Variants in LHX8 observed in about 807,000 individuals in gnomAD.
The protein encoded by LHX8 is LIM homeobox 8.
Under a neutral mutation model 40.3 loss-of-function variants are expected in LHX8, and 12 were observed. The ratio of observed to expected loss-of-function variants is 0.30; its 90% confidence interval spans 0.19 to 0.48. LHX8 has a LOEUF of 0.48. LHX8 is among the 20% of genes least tolerant of loss of function. The pLI, the probability that LHX8 is intolerant of heterozygous loss-of-function variation, is 0.99. For missense variants in LHX8, 344 were observed against 433.7 expected (o/e 0.79, Z 1.84); for synonymous variants, 179 against 162.0 (o/e 1.10, Z -0.80).
chr1:75,158,463 A>G (rs1010738512), intron 8 of LHX8, among the ~76,000 whole-genome samples: 1 of 152,172 alleles, frequency 6.6e-6, no homozygotes, highest in East Asian at 1.9e-4. Context: ...GAAATTGTTT[A>G]TACTCAAAGA....
At chr1:75,160,694 G>T in intron 8 of LHX8, 125 bp from the exon 9 acceptor site, 1 of 740,708 alleles carries the variant, frequency 1.4e-6, no homozygotes, top group East Asian at 2.5e-5. Context: ...AGTGGAATGA[G>T]TGTAGCTTGG....
At chr1:75,130,753 T>C (rs1021535683), upstream of LHX8, 1 of 1,612,734 alleles carries the variant, frequency 6.2e-7, no homozygotes, top group Non-Finnish European at 8.5e-7. Flanking sequence ...GGAAAGAACC[T>C]CTAGAAGCAA....
intron 2 of LHX8, 100 bp downstream of exon 2, chr1:75,136,789 C>G: frequency 1.1e-6 from 1 of 947,044 alleles, no homozygotes; most frequent in Non-Finnish European, 1.6e-6. Context: ...GCCCAGCTGG[C>G]CCCTCCTGCA....
Position 75,156,944 on chromosome 1 carries a change from C to A in LHX8, c.832C>A (p.His278Asn). ...ARHKKHVSPN[H>N]SSSTPVTAVP... ...CCACAAGAAACACGTCAGTCCTAAT[C>A]ACTCATCCTCCACCCCAGTCACAGC... Residue 278 changes from histidine (H) to asparagine (N), a missense_variant, in exon 8 of 9, where the codon CAC becomes AAC. His to Asn is a moderately conservative substitution (Grantham distance 68). Transcript: ENST00000356261. 6.2e-7 allele frequency: 1 copy of A among 1,614,180 alleles called. No homozygotes were observed. The highest frequency in any genetic ancestry group is 2.2e-5 in the East Asian group (1 of 44,880).
chr1:75,188,073 G>T, the LHX8 span, among the ~76,000 whole-genome samples: 1 of 152,148 alleles, frequency 6.6e-6, no homozygotes, highest in Non-Finnish European at 1.5e-5. Flanking sequence ...ATCATGTTGA[G>T]CCAGCTATGG....
chr1:75,180,456 A>T, the LHX8 span, among the ~76,000 whole-genome samples: 2 of 152,112 alleles, frequency 1.3e-5, no homozygotes, highest in Admixed American at 1.3e-4. Flanking sequence ...TCAATCACTG[A>T]TACCCTTTCT....
intron 8 of LHX8, among the ~76,000 whole-genome samples, chr1:75,158,357 A>G (rs1408701714): frequency 6.6e-6 from 1 of 152,108 alleles, no homozygotes; most frequent in Non-Finnish European, 1.5e-5. Flanking sequence ...TACTCTCTTA[A>G]TGGAATGTTT....
intron 7 of LHX8, among the ~76,000 whole-genome samples, chr1:75,155,508 A>G (rs1648739081): frequency 6.6e-6 from 1 of 152,120 alleles, no homozygotes; most frequent in African/African-American, 2.4e-5. Flanking sequence ...TGCTGGGATT[A>G]CAGGAGTGAG....
chr1:75,152,019 A>G (rs1312931737), intron 7 of LHX8, among the ~76,000 whole-genome samples: 5 of 152,218 alleles, frequency 3.3e-5, no homozygotes, highest in Non-Finnish European at 5.9e-5. Flanking sequence ...GAGTACTAGC[A>G]TGCTTATGTG....
intron 7 of LHX8, among the ~76,000 whole-genome samples, chr1:75,149,864 A>G (rs979478427): frequency 2.6e-5 from 4 of 152,182 alleles, no homozygotes; most frequent in Admixed American, 1.3e-4. Flanking sequence ...CATTTTATTG[A>G]GTGAACACTG....
intron 3 of LHX8, among the ~76,000 whole-genome samples, chr1:75,140,662 C>T (rs1648287156): frequency 6.6e-6 from 1 of 151,920 alleles, no homozygotes; most frequent in South Asian, 2.1e-4. Flanking sequence ...TTTAAAGTAA[C>T]CAAACTATTC....
At chr1:75,145,629 G>A (rs557702905) in intron 6 of LHX8, among the ~76,000 whole-genome samples, 2 of 152,206 alleles carry the variant, frequency 1.3e-5, no homozygotes, top group South Asian at 4.1e-4. Context: ...CACCAAGGGA[G>A]TGGTTGAGAA....
intron 7 of LHX8, among the ~76,000 whole-genome samples, chr1:75,153,661 G>A (rs754089914): frequency 2.0e-5 from 3 of 151,984 alleles, no homozygotes; most frequent in Admixed American, 6.6e-5. Flanking sequence ...CTGCCACCTC[G>A]GCCTCCCAAA....
chr1:75,196,720 G>GT, the LHX8 span, among the ~76,000 whole-genome samples: 5 of 152,178 alleles, frequency 3.3e-5, 1 homozygote, highest in South Asian at 4.1e-4. Context: ...GAAAGAGATT[G>GT]TTTTTTGTAT....
chr1:75,131,931 G>T (rs1005160612), upstream of LHX8: 1 of 152,314 alleles, frequency 6.6e-6, no homozygotes, highest in East Asian at 1.9e-4. Context: ...GAACTGTCAC[G>T]ACGCAGGCGA....
the LHX8 span, among the ~76,000 whole-genome samples, chr1:75,187,862 G>C: frequency 6.6e-6 from 1 of 152,138 alleles, no homozygotes; most frequent in African/African-American, 2.4e-5. Context: ...AGTTGGACTA[G>C]ACTGCATTCA....
intron 3 of LHX8, 68 bp downstream of exon 3, chr1:75,137,329 T>C: frequency 6.8e-7 from 1 of 1,475,638 alleles, no homozygotes; most frequent in East Asian, 2.3e-5. Flanking sequence ...GGGAAAAGAG[T>C]AATGTTCCTC....
the LHX8 span, among the ~76,000 whole-genome samples, chr1:75,168,279 A>G: frequency 3.3e-5 from 5 of 152,122 alleles, no homozygotes; most frequent in African/African-American, 4.8e-5. Flanking sequence ...CTGGAGTGCA[A>G]TGGTGTGGTC....
intron 6 of LHX8, among the ~76,000 whole-genome samples, chr1:75,145,340 C>T (rs979820520): frequency 6.6e-6 from 1 of 151,866 alleles, no homozygotes; most frequent in African/African-American, 2.4e-5. Flanking sequence ...ATGGTCTGTT[C>T]CCATGAAGGA....
Sources: gnomAD v4.1 joint callset for allele counts (sites outside exome capture counted in the v4.1 genomes callset) on GRCh38, gnomAD v4.1.1 for gene constraint, MANE v1.5 for transcripts, NCBI Gene and HGNC (gene_info 2026-07-23, HGNC 2026-07-21) for gene names.